The following RHAG variants were observed in gnomAD, a reference collection of about 807,000 sequenced individuals.
RHAG encodes the protein ammonium transporter Rh type A.
Under a neutral mutation model 42.4 loss-of-function variants are expected in RHAG, and 25 were observed. The observed-to-expected ratio is 0.59, with a 90% confidence interval of 0.43 to 0.82. The LOEUF is 0.82. RHAG is among the 40% of genes least tolerant of loss of function. The pLI, the probability that RHAG is intolerant of heterozygous loss-of-function variation, is 0.00. For missense variants in RHAG, 483 were observed against 504.6 expected, an observed-to-expected ratio of 0.96 and a Z score of 0.41; for synonymous variants, 182 against 177.7, an observed-to-expected ratio of 1.02 and a Z score of -0.19.
At chr6:49,629,554 C>T (rs1170442149) in intron 1 of RHAG, among the ~76,000 whole-genome samples, 4 of 152,160 alleles carry the variant, frequency 2.6e-5, no homozygotes, top group African/African-American at 7.2e-5. Context: ...ACCCACACTC[C>T]TCAGCCCTTG....
Position 49,611,061 on chromosome 6 carries a change from C to A in RHAG, c.1030G>T (p.Ala344Ser). 1 of 1,613,876 alleles carries A rather than the reference C, an allele frequency of 6.2e-7. No individual in the cohort carries two copies. Among genetic ancestry groups the A allele is most frequent in the Non-Finnish European group, 8.5e-7 (1 of 1,179,852 alleles). Residue 344 changes from alanine (A) to serine (S), a missense_variant, in exon 7 of 10, where the codon GCA (alanine) becomes TCA (serine). By Grantham distance (99) the Ala-to-Ser change is moderately conservative. Coordinates refer to ENST00000371175, the MANE Select transcript of RHAG (RefSeq NM_000324.3). ...HGLPGVVGGL[A>S]GIVAVAMGAS... Reference sequence around the variant, plus strand: ...CCCATTGCTACTGCCACAATGCCTGCAAGGCCTCCCACTACACCAGGTAAG... The same window carrying A: ...CCCATTGCTACTGCCACAATGCCTGAAAGGCCTCCCACTACACCAGGTAAG...
At chr6:49,621,241 C>T (rs985126147) in intron 1 of RHAG, among the ~76,000 whole-genome samples, 2 of 152,150 alleles carry the variant, frequency 1.3e-5, no homozygotes, top group Non-Finnish European at 2.9e-5. Flanking sequence ...TTATTCCTCT[C>T]ATTTTCCCTG....
intron 1 of RHAG, among the ~76,000 whole-genome samples, chr6:49,624,638 A>G (rs1195969227): frequency 6.6e-6 from 1 of 152,246 alleles, no homozygotes; most frequent in Non-Finnish European, 1.5e-5. Context: ...CTCATCTGTA[A>G]AATGGGACTA....
rs1229551517 is a variant in RHAG at position 49,629,412 on chromosome 6, G to A, written c.157+7244C>T. ...AGCTAGATACAGAGTGCCGGTTGGT[G>A]TATTTACAATCCCTGAGCTAGACAT... is the stretch of plus-strand genomic sequence containing the variant. On this transcript the variant is annotated intron_variant, in intron 1 of 9. Coordinates refer to ENST00000371175, the MANE Select transcript of RHAG (RefSeq NM_000324.3). 2.0e-5 allele frequency among the ~76,000 whole-genome samples: 3 copies of A among 152,280 alleles called. No homozygotes were observed. The South Asian group carries it at 6.2e-4, about 32-fold the overall frequency.
In RHAG at chr6:49,614,705, G is replaced by C. The variant is rs919802603; in HGVS notation, c.789C>G (p.His263Gln). The change falls in exon 5 of 10, where the codon CAC becomes CAG. Residue 263 changes from histidine (H) to glutamine (Q), a missense_variant. Physicochemically the swap from His to Gln is conservative, Grantham distance 24. Coordinates refer to ENST00000371175, the MANE Select transcript of RHAG (RefSeq NM_000324.3). The part of the protein sequence containing the change: ...TAFAFSSLVE[H>Q]RGKLNMVHIQ... ...CACTTACCATGTTGAGCTTGCCTCG[G>C]TGCTCCACTAGGCTGGAGAAGGCAA... The C allele has an allele frequency of 5.0e-6, 8 of 1,613,728 alleles. No individual in the cohort carries two copies. In the Admixed American group the frequency reaches 1.2e-4, roughly 24 times the overall value.
In RHAG at chr6:49,615,781, A is replaced by G. The variant is rs1375477619; in HGVS notation, c.493-10T>C. 6.2e-7 allele frequency: 1 copy of G among 1,613,852 alleles called. No homozygotes were observed. Among genetic ancestry groups the G allele is most frequent in the Non-Finnish European group, 8.5e-7 (1 of 1,179,834 alleles). ...CTCCAATGTCAGAGGCCTGAGGGAC[A>G]AAATAGCATTCACATAAATAGAGGT... On this transcript the variant is annotated splice_polypyrimidine_tract_variant and intron_variant, in intron 3 of 9. Transcript: ENST00000371175.
chr6:49,633,906 T>C (rs1762969510), intron 1 of RHAG, among the ~76,000 whole-genome samples: 1 of 152,176 alleles, frequency 6.6e-6, no homozygotes, highest in Non-Finnish European at 1.5e-5. Flanking sequence ...TATCTCCTTG[T>C]CTGCCTTTCC....
At chr6:49,623,603 A>G (rs1762797921) in intron 1 of RHAG, among the ~76,000 whole-genome samples, 1 of 152,162 alleles carries the variant, frequency 6.6e-6, no homozygotes, top group Non-Finnish European at 1.5e-5. Flanking sequence ...CCCAGACTAC[A>G]TTTGACAATG....
intron 1 of RHAG, among the ~76,000 whole-genome samples, chr6:49,636,089 T>C (rs1434465004): frequency 1.3e-5 from 2 of 152,178 alleles, no homozygotes; most frequent in African/African-American, 2.4e-5. Context: ...TTTTAAAATA[T>C]GTTAAGTATT....
intron 1 of RHAG, among the ~76,000 whole-genome samples, chr6:49,623,649 G>A (rs952253577): frequency 6.6e-6 from 1 of 152,196 alleles, no homozygotes; most frequent in Non-Finnish European, 1.5e-5. Context: ...ACTTGAGGAA[G>A]TAGAGTGGTG....
intron 6 of RHAG, among the ~76,000 whole-genome samples, chr6:49,611,547 A>G (rs546213384): frequency 6.6e-6 from 1 of 152,106 alleles, no homozygotes; most frequent in East Asian, 1.9e-4. Flanking sequence ...ACATCTCCCC[A>G]TTTCCTTCTC....
chr6:49,631,654 TC>T (rs1324537195), intron 1 of RHAG, among the ~76,000 whole-genome samples: 5 of 152,192 alleles, frequency 3.3e-5, no homozygotes, highest in Admixed American at 6.5e-5. Context: ...CAGCAATTTC[TC>T]CAATGAGTCC....
At chr6:49,629,950 C>G (rs1762909715) in intron 1 of RHAG, among the ~76,000 whole-genome samples, 2 of 152,206 alleles carry the variant, frequency 1.3e-5, no homozygotes, top group Admixed American at 6.5e-5. Context: ...TCCCTGCAAG[C>G]TGAGGGAGTG....
intron 7 of RHAG, 26 bp from the exon 8 acceptor site, chr6:49,607,246 AGT>A: frequency 6.3e-7 from 1 of 1,596,034 alleles, no homozygotes; most frequent in Middle Eastern, 1.7e-4. Flanking sequence ...AAAAAGAATC[AGT>A]GTCTTTCCTG....
rs1398791179 is a variant in RHAG, at chr6:49,635,164, G to A, written c.157+1492C>T. The stretch of plus-strand genomic sequence containing the variant: ...CTACTGAAAAATGACCATGTTTAGT[G>A]ACTTTCCTTCAACCTGGTGTTGATC... On this transcript the variant is annotated intron_variant, in intron 1 of 9. Transcript: ENST00000371175. Among the ~76,000 whole-genome samples the A allele has an allele frequency of 3.3e-5, 5 of 151,262 alleles. No homozygotes were observed. In the Admixed American group the frequency reaches 3.3e-4, roughly 10 times the overall value.
At chr6:49,607,461 G>A (rs948710666) in intron 7 of RHAG, among the ~76,000 whole-genome samples, 1 of 152,086 alleles carries the variant, frequency 6.6e-6, no homozygotes, top group African/African-American at 2.4e-5. Flanking sequence ...TGTAAACTTT[G>A]GAAATAAGAC....
chr6:49,618,356 T>C (rs937595191), intron 2 of RHAG, 138 bp from the exon 3 acceptor site: 1 of 837,122 alleles, frequency 1.2e-6, no homozygotes, highest in African/African-American at 1.7e-5. Context: ...ATTCCTCCTC[T>C]TTTTGACCAG....
chr6:49,626,651 A>G (rs1762849624), intron 1 of RHAG, among the ~76,000 whole-genome samples: 1 of 152,136 alleles, frequency 6.6e-6, no homozygotes, highest in African/African-American at 2.4e-5. Flanking sequence ...CAGCTCCACT[A>G]CACAGTGCTT....
chr6:49,626,415 CA>C (rs1762846420), intron 1 of RHAG, among the ~76,000 whole-genome samples: 1 of 152,156 alleles, frequency 6.6e-6, no homozygotes, highest in Non-Finnish European at 1.5e-5. Context: ...CTTAAATTTC[CA>C]AAATGAACTC....
Sources: allele counts gnomAD v4.1 joint callset (sites outside exome capture counted in the v4.1 genomes callset), GRCh38; gene constraint gnomAD v4.1.1; transcripts MANE v1.5; gene names NCBI Gene and HGNC (gene_info 2026-07-23, HGNC 2026-07-21).